The following CD200 variants were observed in gnomAD, a reference collection of about 807,000 sequenced individuals.
CD200 encodes OX-2 membrane glycoprotein.
In CD200, 15 loss-of-function variants were observed where a neutral mutation model predicts 30.9. The ratio of observed to expected loss-of-function variants is 0.49; its 90% CI spans 0.32 to 0.75. The LOEUF is 0.75. Ranked by LOEUF, CD200 falls within the 30% of genes least tolerant of loss-of-function variation. The pLI, the probability that CD200 is intolerant of heterozygous loss-of-function variation, is 0.03. For synonymous variants in CD200, 134 were observed against 126.2 expected, an observed-to-expected ratio of 1.06 and a Z score of -0.41; for missense variants, 262 against 324.2, an observed-to-expected ratio of 0.81 and a Z score of 1.47.
At chr3:112,347,907 GTTTT>G in intron 4 of CD200, 77 bp downstream of exon 4, 1 of 1,298,188 alleles carries the variant, frequency 7.7e-7, no homozygotes, top group Non-Finnish European at 1.1e-6. Flanking sequence ...TCCTGCAGAG[GTTTT>G]CAGCCTCTTA....
chr3:112,342,325 CTTTCTTTCTTTCCTTCTTTCTTTCTTTCT>C (rs2081265491), intron 2 of CD200, among the ~76,000 whole-genome samples: 4 of 26,058 alleles, frequency 1.5e-4, no homozygotes, highest in African/African-American at 7.0e-4. Context: ...TTCTTTCTTT[CTTTCTTTCTTTCCTTCTTTCTTTCTTTCT>C]TTCTTTCTTT....
At chr3:112,346,084 C>A (rs578228170) in intron 3 of CD200, among the ~76,000 whole-genome samples, 1 of 151,830 alleles carries the variant, frequency 6.6e-6, no homozygotes, top group Admixed American at 6.5e-5. Flanking sequence ...GAAGAAAAGG[C>A]TTAGTAGATG....
chr3:112,361,405 A>T (rs1236092847), intron 5 of CD200, 138 bp from the exon 6 acceptor site: 2 of 752,626 alleles, frequency 2.7e-6, no homozygotes, highest in Non-Finnish European at 4.7e-6. Flanking sequence ...AGAAATGTCT[A>T]CTTCTTTATC....
Position 112,342,409 on chromosome 3 carries a change from CTTTCTTTCT to C in CD200, c.94+1429_94+1437del, listed in dbSNP as rs1559783556. Among the ~76,000 whole-genome samples, 27 of 62,316 alleles carry C rather than the reference CTTTCTTTCT, an allele frequency of 4.3e-4. 2 individuals are homozygous for C. The highest frequency in any genetic ancestry group is 1.5e-3 in the African/African-American group (24 of 15,772). The allele number at this position is 62,316 out of a possible 152,430, so 40.9% of individuals were successfully genotyped here. ...TCTTTCTTTCTTTCTTTCTTTCTTT[CTTTCTTTCT>C]TTCTTTCTTTCTTCTCTCTCTTTCT... On this transcript the variant is annotated intron_variant, in intron 2 of 5. Coordinates refer to ENST00000315711, the MANE Select transcript of CD200 (RefSeq NM_005944.7).
chr3:112,359,045 A>T (rs1440262519), intron 5 of CD200, among the ~76,000 whole-genome samples: 1 of 152,248 alleles, frequency 6.6e-6, no homozygotes, highest in Non-Finnish European at 1.5e-5. Flanking sequence ...TACTTCAGGT[A>T]GTCCTTAGGT....
Position 112,347,648 on chromosome 3 carries a change from T to A in CD200, c.512T>A (p.Phe171Tyr). 1.2e-6 allele frequency: 2 copies of A among 1,614,052 alleles called. No homozygotes were observed. The highest frequency in any genetic ancestry group is 1.7e-6 in the Non-Finnish European group (2 of 1,179,956). Residue 171 changes from phenylalanine to tyrosine, a missense_variant, in exon 4 of 6, where the codon TTC becomes TAC. Coordinates refer to ENST00000315711, the MANE Select transcript of CD200 (RefSeq NM_005944.7). ...SATARPAPMV[F>Y]WKVPRSGIEN... ...ACTGCCCGCCCAGCCCCCATGGTCTTCTGGAAGGTCCCTCGGTCAGGGATT... is the reference window on the plus strand; with the variant it reads ...ACTGCCCGCCCAGCCCCCATGGTCTACTGGAAGGTCCCTCGGTCAGGGATT...
intron 4 of CD200, among the ~76,000 whole-genome samples, chr3:112,348,188 G>A (rs772925016): frequency 6.6e-6 from 1 of 152,176 alleles, no homozygotes; most frequent in Non-Finnish European, 1.5e-5. Flanking sequence ...GTCTACTAGG[G>A]AATAGAGATA....
At chr3:112,352,547 GA>G in intron 5 of CD200, among the ~76,000 whole-genome samples, 1 of 81,142 alleles carries the variant, frequency 1.2e-5, no homozygotes, top group Non-Finnish European at 3.0e-5. Flanking sequence ...AACTGAGAGA[GA>G]GAGAGAGAGA....
chr3:112,350,089 G>C (rs2108459504), intron 5 of CD200: 1 of 498,674 alleles, frequency 2.0e-6, no homozygotes, highest in Middle Eastern at 1.0e-3. Context: ...AAAGAAAGAA[G>C]TCTGGCACCC....
chr3:112,348,959 G>A (rs2081471103), intron 4 of CD200, among the ~76,000 whole-genome samples: 1 of 148,540 alleles, frequency 6.7e-6, no homozygotes, highest in South Asian at 2.3e-4. Context: ...TGTTTATTCT[G>A]TGAACATTTA....
At chr3:112,344,824 T>C in intron 2 of CD200, 138 bp from the exon 3 acceptor site, 1 of 656,642 alleles carries the variant, frequency 1.5e-6, no homozygotes, top group Admixed American at 3.0e-5. Flanking sequence ...CACGTAGGAA[T>C]GTAAATAAAT....
intron 1 of CD200, among the ~76,000 whole-genome samples, chr3:112,340,610 C>G (rs1186196225): frequency 6.6e-6 from 1 of 152,146 alleles, no homozygotes; most frequent in African/African-American, 2.4e-5. Context: ...CCCCAGTGAT[C>G]CTATGTCTTT....
intron 3 of CD200, among the ~76,000 whole-genome samples, chr3:112,345,670 T>C (rs2081371023): frequency 6.6e-6 from 1 of 152,188 alleles, no homozygotes; most frequent in South Asian, 2.1e-4. Flanking sequence ...AAGTGTGAAA[T>C]AGATCATTTC....
chr3:112,341,938 A>T (rs1453982376), intron 2 of CD200, among the ~76,000 whole-genome samples: 1 of 152,118 alleles, frequency 6.6e-6, no homozygotes, highest in East Asian at 1.9e-4. Context: ...TTTAGTTTTG[A>T]ATCATGCAAT....
At chr3:112,347,889 A>G in intron 4 of CD200, 59 bp downstream of exon 4, 2 of 1,479,698 alleles carry the variant, frequency 1.4e-6, no homozygotes, top group Non-Finnish European at 1.9e-6. Flanking sequence ...CCTGGAAGGC[A>G]GTGAATGTCC....
intron 1 of CD200, 110 bp from the exon 2 acceptor site, chr3:112,340,792 G>T: frequency 1.4e-6 from 1 of 701,140 alleles, no homozygotes; most frequent in African/African-American, 1.8e-5. Flanking sequence ...AAATTCTCTG[G>T]GGGGTAAAAA....
At chr3:112,346,298 T>C (rs1232699811) in intron 3 of CD200, among the ~76,000 whole-genome samples, 1 of 152,006 alleles carries the variant, frequency 6.6e-6, no homozygotes. Context: ...TCCTAATTTT[T>C]CTTTTTTTCT....
At chr3:112,347,364 G>T (rs2081421817) in intron 3 of CD200, among the ~76,000 whole-genome samples, 194 bp from the exon 4 acceptor site, 1 of 152,198 alleles carries the variant, frequency 6.6e-6, no homozygotes, top group South Asian at 2.1e-4. Context: ...TACTAGGCCA[G>T]TCTCCATCCT....
At chr3:112,359,886 A>C (rs2081703894) in intron 5 of CD200, among the ~76,000 whole-genome samples, 1 of 152,120 alleles carries the variant, frequency 6.6e-6, no homozygotes, top group South Asian at 2.1e-4. Flanking sequence ...GATACCAGTT[A>C]CTTGGATTTT....
Sources: allele counts gnomAD v4.1 joint callset (sites outside exome capture counted in the v4.1 genomes callset), GRCh38; gene constraint gnomAD v4.1.1; transcripts MANE v1.5; gene names NCBI Gene and HGNC (gene_info 2026-07-23, HGNC 2026-07-21).